SEMA3C: variants seen among roughly 807,000 people sequenced by gnomAD.
SEMA3C encodes the protein semaphorin 3C.
Under a neutral mutation model 89.4 loss-of-function variants are expected in SEMA3C, and 47 were observed. That is an observed-to-expected ratio of 0.53 (90% CI 0.42 to 0.67). SEMA3C has a LOEUF of 0.67. Among genes scored for constraint, SEMA3C ranks in the 30% least tolerant of loss-of-function variants. SEMA3C has a pLI of 0.00. For missense variants in SEMA3C, 839 were observed against 929.1 expected (o/e 0.90, Z 1.26); for synonymous variants, 310 against 320.2 (o/e 0.97, Z 0.34).
chr7:80,824,898 T>C (rs930740320), intron 4 of SEMA3C, among the ~76,000 whole-genome samples: 9 of 152,176 alleles, frequency 5.9e-5, no homozygotes, highest in East Asian at 1.9e-4. Flanking sequence ...AAATGTTGGG[T>C]ATTTTTTCTG....
At position 80,751,196 on chromosome 7, in the gene SEMA3C, T is replaced by C. The variant is rs570056668; in HGVS notation, c.1711+73A>G. 7.2e-5 allele frequency: 88 copies of C among 1,215,550 alleles called. No individual in the cohort carries two copies. In the East Asian group the frequency reaches 2.0e-3, roughly 27 times the overall value. The allele number at this position is 1,215,550 out of a possible 1,614,324, so 75.3% of individuals were successfully genotyped here. Reference sequence around the variant, plus strand: ...TGAAACGCCTGAATCTATGACAATGTTTCCCCTTACTGAAATGTGATACGG... The same window carrying C: ...TGAAACGCCTGAATCTATGACAATGCTTCCCCTTACTGAAATGTGATACGG... On this transcript the variant is annotated intron_variant, in intron 16 of 17. Coordinates refer to ENST00000265361, the MANE Select transcript of SEMA3C (RefSeq NM_006379.5).
intron 12 of SEMA3C, among the ~76,000 whole-genome samples, chr7:80,770,344 T>TG (rs1187753346): frequency 6.6e-6 from 1 of 152,218 alleles, no homozygotes; most frequent in African/African-American, 2.4e-5. Context: ...GTTTTCCTTC[T>TG]GGGGGTGGTG....
intron 4 of SEMA3C, among the ~76,000 whole-genome samples, chr7:80,819,073 T>C (rs1055323897): frequency 2.0e-5 from 3 of 152,248 alleles, no homozygotes; most frequent in African/African-American, 7.2e-5. Context: ...GCTTTTTCTA[T>C]TTCTGTTTTA....
intron 5 of SEMA3C, among the ~76,000 whole-genome samples, chr7:80,817,651 C>T (rs1051802095): frequency 2.6e-5 from 4 of 152,014 alleles, no homozygotes; most frequent in Middle Eastern, 3.2e-3. Flanking sequence ...TAGTGTTTAG[C>T]AAACATCATA....
intron 2 of SEMA3C, among the ~76,000 whole-genome samples, chr7:80,845,423 T>C (rs1790366992): frequency 6.6e-6 from 1 of 151,906 alleles, no homozygotes; most frequent in Non-Finnish European, 1.5e-5. Flanking sequence ...GACAGCATAC[T>C]CACAACACTA....
At chr7:80,842,884 A>G (rs1322552279) in intron 2 of SEMA3C, among the ~76,000 whole-genome samples, 1 of 152,156 alleles carries the variant, frequency 6.6e-6, no homozygotes, top group African/African-American at 2.4e-5. Context: ...TATAAACTGT[A>G]TTCCCTAATT....
chr7:80,807,927 C>T (rs1263300429), intron 6 of SEMA3C, among the ~76,000 whole-genome samples: 1 of 152,132 alleles, frequency 6.6e-6, no homozygotes, highest in Non-Finnish European at 1.5e-5. Context: ...ATGATAACTA[C>T]AATCTTATAA....
intron 9 of SEMA3C, among the ~76,000 whole-genome samples, chr7:80,802,141 G>C (rs1411591007): frequency 6.6e-6 from 1 of 152,028 alleles, no homozygotes; most frequent in Non-Finnish European, 1.5e-5. Context: ...TATTCGACCT[G>C]GAAAGTGTAA....
intron 2 of SEMA3C, among the ~76,000 whole-genome samples, chr7:80,890,425 CA>C (rs548514349): frequency 6.6e-4 from 101 of 152,096 alleles, no homozygotes; most frequent in African/African-American, 2.3e-3. Flanking sequence ...AAAATATATT[CA>C]AAAAACTTAA....
intron 6 of SEMA3C, 73 bp from the exon 7 acceptor site, chr7:80,805,831 TAGGAGATCACCAC>T (rs1332207987): frequency 9.3e-7 from 1 of 1,076,948 alleles, no homozygotes; most frequent in Non-Finnish European, 1.4e-6. Context: ...GTTTATTTAT[TAGGAGATCACCAC>T]AGGTATTACA....
At chr7:80,861,746 A>G (rs536082814) in intron 2 of SEMA3C, among the ~76,000 whole-genome samples, 1 of 152,168 alleles carries the variant, frequency 6.6e-6, no homozygotes, top group East Asian at 1.9e-4. Flanking sequence ...TGAATTAAAC[A>G]ATGCATCTCA....
chr7:80,754,966 T>TTGTTTTTTTTGTTTTTTTTTG (rs1554359516), intron 15 of SEMA3C, among the ~76,000 whole-genome samples: 1 of 139,038 alleles, frequency 7.2e-6, no homozygotes, highest in African/African-American at 2.6e-5. Context: ...TGTTTTTTTT[T>TTGTTTTTTTTGTTTTTTTTTG]TTTTTGTATT....
upstream of SEMA3C, chr7:80,922,303 C>T (rs952383311): frequency 3.9e-6 from 5 of 1,288,114 alleles, no homozygotes; most frequent in African/African-American, 7.6e-5. Flanking sequence ...TTCTACTTCC[C>T]TCTCTTTCTC....
chr7:80,858,039 T>TTATGA (rs1790680447), intron 2 of SEMA3C, among the ~76,000 whole-genome samples: 1 of 152,176 alleles, frequency 6.6e-6, no homozygotes, highest in South Asian at 2.1e-4. Flanking sequence ...TCCTGTTATG[T>TTATGA]TATGATATGG....
chr7:80,891,215 T>G (rs762463329), intron 2 of SEMA3C, among the ~76,000 whole-genome samples: 2 of 152,170 alleles, frequency 1.3e-5, no homozygotes, highest in Non-Finnish European at 2.9e-5. Context: ...TGTCCATAAG[T>G]GAAACAGAAG....
intron 12 of SEMA3C, among the ~76,000 whole-genome samples, chr7:80,774,322 G>T (rs1283004058): frequency 2.0e-5 from 3 of 152,146 alleles, no homozygotes; most frequent in African/African-American, 4.8e-5. Flanking sequence ...GTATAAAAAA[G>T]AGAGAAAACA....
At chr7:80,862,070 A>G (rs1344059066) in intron 2 of SEMA3C, among the ~76,000 whole-genome samples, 2 of 152,186 alleles carry the variant, frequency 1.3e-5, no homozygotes, top group Admixed American at 6.5e-5. Context: ...CCTCTTCAAC[A>G]TAGTACTGGA....
In SEMA3C at chr7:80,801,899, T is replaced by C. The variant is rs191258579; in HGVS notation, c.916+766A>G. ...TAATGGTTTTTGATCAGAAGAACGA[T>C]ATAGTTCATTACTATTAGAATCAGT... On this transcript the variant is annotated intron_variant, in intron 9 of 17. Transcript: ENST00000265361. 1.6e-3 allele frequency among the ~76,000 whole-genome samples: 243 copies of C among 152,276 alleles called. 1 individual carries two copies. The highest frequency in any genetic ancestry group is 2.5e-3 in the Non-Finnish European group (171 of 67,992).
At position 80,744,872 on chromosome 7, in the gene SEMA3C, A is replaced by G. The variant is rs1787762805; in HGVS notation, c.*22T>C. On this transcript the variant is annotated 3_prime_UTR_variant, in exon 18 of 18. Transcript: ENST00000265361. ...AGACAGAGCATTTGTTAATGGAAGC[A>G]TAAGACCCACATAAGAAAATATTAT... 6.2e-7 allele frequency: 1 copy of G among 1,613,232 alleles called. No homozygotes were observed. Among genetic ancestry groups the G allele is most frequent in the Non-Finnish European group, 8.5e-7 (1 of 1,179,448 alleles).
Sources: gnomAD v4.1 joint callset for allele counts (sites outside exome capture counted in the v4.1 genomes callset) on GRCh38, gnomAD v4.1.1 for gene constraint, MANE v1.5 for transcripts, NCBI Gene and HGNC (gene_info 2026-07-23, HGNC 2026-07-21) for gene names.